The following EPHA6 variants were observed in gnomAD, a reference collection of about 807,000 sequenced individuals.
EPHA6 encodes ephrin type-A receptor 6.
In EPHA6, 50 loss-of-function variants were observed where a neutral mutation model predicts 112.0. The observed-to-expected ratio is 0.45, with a 90% CI of 0.36 to 0.56. The LOEUF (loss-of-function observed/expected upper bound fraction) is 0.56, where lower values mean the gene tolerates loss of function less well. Among genes scored for constraint, EPHA6 ranks in the 20% least tolerant of loss-of-function variants. The pLI, the probability that EPHA6 is intolerant of heterozygous loss-of-function variation, is 0.00. For missense variants in EPHA6, 1,280 were observed against 1,417.4 expected, an observed-to-expected ratio of 0.90 and a Z score of 1.56; for synonymous variants, 529 against 490.7, an observed-to-expected ratio of 1.08 and a Z score of -1.03.
chr3:97,075,912 C>T (rs1173840961), intron 3 of EPHA6, among the ~76,000 whole-genome samples: 2 of 151,982 alleles, frequency 1.3e-5, no homozygotes, highest in Non-Finnish European at 2.9e-5. Flanking sequence ...CCATGTTCAT[C>T]AAAGATAGTA....
At chr3:97,554,989 T>C (rs982697155) in intron 11 of EPHA6, among the ~76,000 whole-genome samples, 2 of 151,924 alleles carry the variant, frequency 1.3e-5, no homozygotes, top group Admixed American at 6.6e-5. Flanking sequence ...TGCTGGTTGG[T>C]TACATATGTA....
chr3:97,641,996 C>A (rs1490373621), intron 14 of EPHA6, among the ~76,000 whole-genome samples: 1 of 148,768 alleles, frequency 6.7e-6, no homozygotes, highest in South Asian at 2.2e-4. Context: ...AGGGCACAGA[C>A]AAACAAAAAG....
intron 13 of EPHA6, among the ~76,000 whole-genome samples, chr3:97,635,857 C>T (rs529683414): frequency 3.4e-4 from 52 of 152,138 alleles, no homozygotes; most frequent in African/African-American, 1.2e-3. Context: ...GTGACACACT[C>T]GGCATAGATA....
intron 3 of EPHA6, among the ~76,000 whole-genome samples, chr3:97,006,047 A>G (rs947073053): frequency 7.2e-5 from 11 of 152,294 alleles, no homozygotes; most frequent in South Asian, 2.1e-4. Flanking sequence ...TTTTGCATCA[A>G]TGTTCATCAG....
At chr3:97,409,918 G>T (rs533039264) in intron 6 of EPHA6, among the ~76,000 whole-genome samples, 4 of 151,972 alleles carry the variant, frequency 2.6e-5, no homozygotes, top group African/African-American at 9.7e-5. Flanking sequence ...AATATAACCT[G>T]CCAGTGTTTC....
chr3:97,172,708 A>C (rs571835046), intron 3 of EPHA6, among the ~76,000 whole-genome samples: 2 of 152,062 alleles, frequency 1.3e-5, no homozygotes, highest in African/African-American at 4.8e-5. Context: ...CAAAAGTGTC[A>C]TATCCTAAAG....
chr3:97,635,272 G>A (rs1236294119), intron 13 of EPHA6, among the ~76,000 whole-genome samples: 1 of 151,950 alleles, frequency 6.6e-6, no homozygotes, highest in Non-Finnish European at 1.5e-5. Context: ...TTTTTAAAAT[G>A]ATACCACTTA....
At position 97,648,357 on chromosome 3, in the gene EPHA6, C is replaced by T. The variant is rs372100037; in HGVS notation, c.2784+10275C>T. ...TTCTGAGAAAAGCCAAATTTTCTGT[C>T]GGTCTAAGAAGACATAGCCTACACC... On this transcript the variant is annotated intron_variant, in intron 14 of 17. Coordinates refer to ENST00000389672, the MANE Select transcript of EPHA6 (RefSeq NM_001080448.3). 143 of 1,598,618 alleles carry T rather than the reference C, an allele frequency of 8.9e-5. No homozygotes were observed. The African/African-American group carries it at 1.2e-3, about 13-fold the overall frequency.
At chr3:96,938,522 A>G (rs1398182322) in intron 2 of EPHA6, among the ~76,000 whole-genome samples, 7 of 151,960 alleles carry the variant, frequency 4.6e-5, no homozygotes, top group African/African-American at 1.5e-4. Flanking sequence ...AGACAATGGG[A>G]TTTTCTAGAT....
rs1056805360 is a variant in EPHA6 at position 96,937,822 on chromosome 3, A to C, written c.451-49508A>C. Among the ~76,000 whole-genome samples, 8 of 152,170 alleles carry C rather than the reference A, an allele frequency of 5.3e-5. No individual in the cohort carries two copies. The East Asian group carries it at 1.3e-3, about 26-fold the overall frequency. ...AAGGGATCCAGTTTCAGCTTTCTAC[A>C]TATGGCTAGCCAGTTTTCCCAGCAC... On this transcript the variant is annotated intron_variant, in intron 2 of 17. Coordinates refer to ENST00000389672, the MANE Select transcript of EPHA6 (RefSeq NM_001080448.3).
chr3:97,746,063 A>T (rs1405696296), intron 16 of EPHA6, among the ~76,000 whole-genome samples: 2 of 151,840 alleles, frequency 1.3e-5, no homozygotes, highest in Non-Finnish European at 3.0e-5. Context: ...CACTTTGATA[A>T]AACAGTCGAA....
intron 12 of EPHA6, among the ~76,000 whole-genome samples, chr3:97,595,724 G>T (rs2093583204): frequency 6.6e-6 from 1 of 151,150 alleles, no homozygotes; most frequent in South Asian, 2.1e-4. Flanking sequence ...AAAAGAGAGG[G>T]GAGAATAAAC....
intron 3 of EPHA6, among the ~76,000 whole-genome samples, chr3:97,003,380 T>C (rs1478865710): frequency 2.6e-5 from 4 of 152,090 alleles, no homozygotes; most frequent in African/African-American, 9.7e-5. Context: ...AGTGCTGGGA[T>C]TATAGGCCAA....
Position 96,814,660 on chromosome 3 carries a change from C to G in EPHA6, c.37C>G (p.Pro13Ala). 2.7e-6 allele frequency: 4 copies of G among 1,479,350 alleles called. No homozygotes were observed. Among genetic ancestry groups the G allele is most frequent in the Non-Finnish European group, 3.6e-6 (4 of 1,114,632 alleles). 91.6% of individuals were successfully genotyped at this position (1,479,350 alleles called of 1,614,324 possible). A position where few individuals can be genotyped will look rare whatever the true frequency, so the allele number is the denominator to read the frequency against. Residue 13 changes from proline (P) to alanine (A), a missense_variant, in exon 1 of 18, where the codon CCG becomes GCG. Physicochemically the swap from Pro to Ala is conservative, Grantham distance 27 (BLOSUM62 -1). Transcript: ENST00000389672. ...CTCGCCTCCAGCCGCGAGGAGCTCCCCGGCGCCGCAGGCAGCGTCCTCCTC... is the reference window on the plus strand; with the variant it reads ...CTCGCCTCCAGCCGCGAGGAGCTCCGCGGCGCCGCAGGCAGCGTCCTCCTC... ...FPSPPAARSSPAPQAASSSEA... is the reference protein window; with the variant it reads ...FPSPPAARSSAAPQAASSSEA...
intron 3 of EPHA6, among the ~76,000 whole-genome samples, chr3:97,046,035 T>G (rs1482991010): frequency 6.6e-6 from 1 of 152,092 alleles, no homozygotes; most frequent in East Asian, 1.9e-4. Flanking sequence ...AAATCTCTAT[T>G]TTATGCAAAT....
At chr3:97,531,407 G>C (rs748119481) in intron 10 of EPHA6, among the ~76,000 whole-genome samples, 2 of 151,818 alleles carry the variant, frequency 1.3e-5, no homozygotes, top group Non-Finnish European at 2.9e-5. Flanking sequence ...ACTGTTTCTG[G>C]AACTTTGAAT....
chr3:97,613,424 G>C (rs1313447391), intron 13 of EPHA6, among the ~76,000 whole-genome samples: 2 of 152,046 alleles, frequency 1.3e-5, no homozygotes, highest in Non-Finnish European at 2.9e-5. Flanking sequence ...TTTCCCTTTG[G>C]TCTCCCACAC....
intron 9 of EPHA6, among the ~76,000 whole-genome samples, chr3:97,481,998 C>G (rs535301859): frequency 6.6e-6 from 1 of 152,098 alleles, no homozygotes; most frequent in African/African-American, 2.4e-5. Flanking sequence ...GAAAATAACT[C>G]GAGACAGCCA....
intron 5 of EPHA6, among the ~76,000 whole-genome samples, chr3:97,322,539 A>G (rs1294765514): frequency 6.6e-6 from 1 of 152,048 alleles, no homozygotes; most frequent in Non-Finnish European, 1.5e-5. Flanking sequence ...AGCACTGGTT[A>G]TCAAAGCAGC....
Sources: gnomAD v4.1 joint callset for allele counts (sites outside exome capture counted in the v4.1 genomes callset) on GRCh38, gnomAD v4.1.1 for gene constraint, MANE v1.5 for transcripts, NCBI Gene and HGNC (gene_info 2026-07-23, HGNC 2026-07-21) for gene names.